The following PROM1 variants were observed in gnomAD, a reference collection of about 807,000 sequenced individuals.
PROM1 encodes prominin-1.
Under a neutral mutation model 116.9 loss-of-function variants are expected in PROM1, and 105 were observed. The ratio of observed to expected loss-of-function variants is 0.90; its 90% confidence interval spans 0.77 to 1.06. PROM1 has a LOEUF of 1.06. PROM1 is among the 50% of genes least tolerant of loss of function. PROM1 has a pLI of 0.00. For synonymous variants in PROM1, 393 were observed against 387.0 expected, an observed-to-expected ratio of 1.02 and a Z score of -0.18; for missense variants, 1,122 against 1,045.2, an observed-to-expected ratio of 1.07 and a Z score of -1.01.
chr4:16,067,520 T>C (rs1007529391), intron 2 of PROM1, among the ~76,000 whole-genome samples: 1 of 152,198 alleles, frequency 6.6e-6, no homozygotes, highest in African/African-American at 2.4e-5. Flanking sequence ...GTGCTTGCCA[T>C]TCTGACTGTT....
intron 18 of PROM1, among the ~76,000 whole-genome samples, chr4:15,990,484 T>A (rs1720694807): frequency 6.6e-6 from 1 of 152,110 alleles, no homozygotes; most frequent in South Asian, 2.1e-4. Context: ...ACATGAAATC[T>A]TCCTCCCACA....
chr4:16,005,772 T>C (rs556334412), intron 13 of PROM1, among the ~76,000 whole-genome samples: 27 of 152,228 alleles, frequency 1.8e-4, no homozygotes, highest in African/African-American at 6.5e-4. Flanking sequence ...CATGATCTTA[T>C]CAAAAAGAGA....
At chr4:15,999,015 C>A (rs866415586) in intron 14 of PROM1, among the ~76,000 whole-genome samples, 69 of 151,064 alleles carry the variant, frequency 4.6e-4, no homozygotes, top group African/African-American at 1.4e-3. Context: ...CAGGCGTGAG[C>A]CACCACGCCG....
At chr4:16,079,842 T>C (rs557119643) in intron 1 of PROM1, 5 of 151,714 alleles carry the variant, frequency 3.3e-5, no homozygotes, top group African/African-American at 9.7e-5. Context: ...AAATAACACA[T>C]GTAAGGTGAA....
chr4:16,016,451 T>C (rs1728415492), intron 9 of PROM1, among the ~76,000 whole-genome samples: 1 of 152,184 alleles, frequency 6.6e-6, no homozygotes, highest in African/African-American at 2.4e-5. Flanking sequence ...TGGAGGTCTC[T>C]TGCTGTAACC....
chr4:16,063,538 C>A (rs1240276945), intron 2 of PROM1, among the ~76,000 whole-genome samples: 4 of 152,130 alleles, frequency 2.6e-5, no homozygotes, highest in Non-Finnish European at 5.9e-5. Context: ...AGAGGTTGCA[C>A]TGAGTCCAGA....
chr4:16,073,171 A>ACTGTGTAT (rs1226786454), intron 2 of PROM1, among the ~76,000 whole-genome samples: 1 of 152,194 alleles, frequency 6.6e-6, no homozygotes, highest in East Asian at 1.9e-4. Flanking sequence ...CGAAGAGCCC[A>ACTGTGTAT]CTGGCCAGTT....
intron 2 of PROM1, 25 bp from the exon 3 acceptor site, chr4:16,039,026 A>C: frequency 1.4e-6 from 2 of 1,457,924 alleles, no homozygotes; most frequent in African/African-American, 2.9e-5. Flanking sequence ...ACAAAATAGC[A>C]ATATTATTTT....
intron 14 of PROM1, among the ~76,000 whole-genome samples, 185 bp downstream of exon 14, chr4:16,000,311 T>C (rs184836744): frequency 8.5e-5 from 13 of 152,330 alleles, no homozygotes; most frequent in Non-Finnish European, 1.6e-4. Context: ...CTCTTACAAA[T>C]AGAAAGGATC....
chr4:15,973,387 C>T (rs1312862303), intron 26 of PROM1, among the ~76,000 whole-genome samples: 1 of 152,148 alleles, frequency 6.6e-6, no homozygotes, highest in Non-Finnish European at 1.5e-5. Context: ...GTGGAGGTTG[C>T]AGTGAGCTGA....
intron 2 of PROM1, among the ~76,000 whole-genome samples, chr4:16,067,982 C>T (rs566651155): frequency 6.6e-6 from 1 of 152,288 alleles, no homozygotes; most frequent in South Asian, 2.1e-4. Flanking sequence ...AGAAGCTGGC[C>T]TGAAACCTAT....
intron 15 of PROM1, among the ~76,000 whole-genome samples, chr4:15,997,374 C>CA (rs146103007): frequency 0.035 from 5,153 of 149,322 alleles, 116 homozygotes; most frequent in Non-Finnish European, 0.052. Context: ...TGCTTTTGCC[C>CA]AGTGGTGAAA....
At chr4:16,013,595 A>G (rs1233008918) in intron 10 of PROM1, among the ~76,000 whole-genome samples, 1 of 152,222 alleles carries the variant, frequency 6.6e-6, no homozygotes, top group East Asian at 1.9e-4. Flanking sequence ...TAAAATCAAC[A>G]TATTTACACA....
chr4:15,979,829 T>C lies in PROM1; in HGVS notation c.2513+52A>G, dbSNP rs557480355. The C allele has an allele frequency of 2.7e-4, 371 of 1,389,888 alleles. 12 individuals are homozygous for C. In the South Asian group the frequency reaches 4.6e-3, roughly 17 times the overall value. 86.1% of individuals were successfully genotyped at this position (1,389,888 alleles called of 1,614,324 possible). ...ATTTTTAAAGTCCATTACATAATAA[T>C]ATCAACCTCCCCCATCCCATCTAGG... On this transcript the variant is annotated intron_variant, in intron 25 of 27. Coordinates refer to ENST00000447510, the MANE Select transcript of PROM1 (RefSeq NM_006017.3).
intron 2 of PROM1, among the ~76,000 whole-genome samples, chr4:16,045,081 T>A (rs146649701): frequency 6.5e-4 from 99 of 152,082 alleles, no homozygotes; most frequent in African/African-American, 2.3e-3. Flanking sequence ...CCTTCAACAC[T>A]CCACTCTTCC....
intron 11 of PROM1, among the ~76,000 whole-genome samples, chr4:16,010,390 A>T (rs1726615961): frequency 6.6e-6 from 1 of 152,246 alleles, no homozygotes; most frequent in Non-Finnish European, 1.5e-5. Flanking sequence ...TTGCAGCAGC[A>T]GAGAGACAAG....
At chr4:16,077,500 C>G (rs565455874) in intron 1 of PROM1, among the ~76,000 whole-genome samples, 13 of 152,132 alleles carry the variant, frequency 8.5e-5, no homozygotes, top group East Asian at 5.8e-4. Flanking sequence ...ATCCTCCGTA[C>G]GCTGAACGCT....
chr4:15,987,560 T>A, intron 20 of PROM1, 103 bp downstream of exon 20: 1 of 1,246,054 alleles, frequency 8.0e-7, no homozygotes, highest in Non-Finnish European at 1.1e-6. Context: ...AACTGAGGCT[T>A]TTTTTTTCAA....
intron 6 of PROM1, 108 bp downstream of exon 6, chr4:16,025,084 T>TG: frequency 7.5e-7 from 1 of 1,338,734 alleles, no homozygotes; most frequent in Non-Finnish European, 1.0e-6. Context: ...CAGTCTACGC[T>TG]GATTCACTGT....
Sources: gnomAD v4.1 joint callset for allele counts (sites outside exome capture counted in the v4.1 genomes callset) on GRCh38, gnomAD v4.1.1 for gene constraint, MANE v1.5 for transcripts, NCBI Gene and HGNC (gene_info 2026-07-23, HGNC 2026-07-21) for gene names.